SPPL3: variants seen among roughly 807,000 people sequenced by gnomAD.
The protein encoded by SPPL3 is signal peptide peptidase like 3, also known as signal peptide peptidase-like 3.
A neutral mutation model predicts 42.4 loss-of-function variants in SPPL3; 5 were observed. The ratio of observed to expected loss-of-function variants is 0.12; its 90% CI spans 0.06 to 0.25. The LOEUF is 0.25. Ranked by LOEUF, SPPL3 falls within the 10% of genes least tolerant of loss-of-function variation. The pLI, the probability that SPPL3 is intolerant of heterozygous loss-of-function variation, is 1.00. For missense variants in SPPL3, 235 were observed against 489.0 expected (o/e 0.48, Z 4.90); for synonymous variants, 195 against 181.8 (o/e 1.07, Z -0.58).
At chr12:120,822,665 A>G (rs1371409978) in intron 1 of SPPL3, among the ~76,000 whole-genome samples, 1 of 152,122 alleles carries the variant, frequency 6.6e-6, no homozygotes, top group Non-Finnish European at 1.5e-5. Context: ...TGAAGAAGGA[A>G]AGTCTCTTGA....
At chr12:120,795,392 T>A (rs996928727) in intron 2 of SPPL3, among the ~76,000 whole-genome samples, 1 of 152,242 alleles carries the variant, frequency 6.6e-6, no homozygotes, top group African/African-American at 2.4e-5. Context: ...CCTTTAACAT[T>A]TTTTAGTGTA....
chr12:120,786,630 G>A (rs1281390063), intron 3 of SPPL3, among the ~76,000 whole-genome samples: 12 of 152,052 alleles, frequency 7.9e-5, no homozygotes, highest in South Asian at 2.1e-4. Context: ...CCTTTCTGGC[G>A]TATTAGATAG....
chr12:120,828,123 C>T (rs888611962), intron 1 of SPPL3, among the ~76,000 whole-genome samples: 8 of 152,026 alleles, frequency 5.3e-5, no homozygotes, highest in Non-Finnish European at 1.0e-4. Flanking sequence ...TGATATTATA[C>T]GAAATATGCT....
intron 6 of SPPL3, among the ~76,000 whole-genome samples, chr12:120,781,527 C>T (rs1869538332): frequency 7.3e-6 from 1 of 136,566 alleles, no homozygotes; most frequent in African/African-American, 2.8e-5. Flanking sequence ...CATTATATTA[C>T]AGTCTAATCC....
intron 6 of SPPL3, among the ~76,000 whole-genome samples, chr12:120,777,126 A>AACTT (rs1284110260): frequency 1.3e-5 from 2 of 152,202 alleles, no homozygotes; most frequent in South Asian, 2.1e-4. Flanking sequence ...CCAAACAGCC[A>AACTT]ACTTACATGC....
At chr12:120,881,126 G>A (rs761287055) in intron 1 of SPPL3, among the ~76,000 whole-genome samples, 2 of 152,052 alleles carry the variant, frequency 1.3e-5, no homozygotes, top group African/African-American at 4.8e-5. Flanking sequence ...TGGTGGGAAT[G>A]TAAAATTTGG....
intron 3 of SPPL3, among the ~76,000 whole-genome samples, chr12:120,791,097 G>A (rs1216300662): frequency 6.6e-6 from 1 of 152,192 alleles, no homozygotes; most frequent in Non-Finnish European, 1.5e-5. Context: ...TGGAATTACA[G>A]GTGGGAGACA....
At chr12:120,897,299 T>C (rs1212714948) in intron 1 of SPPL3, among the ~76,000 whole-genome samples, 1 of 152,226 alleles carries the variant, frequency 6.6e-6, no homozygotes, top group Non-Finnish European at 1.5e-5. Flanking sequence ...GAAGGCTTTA[T>C]AAAAAACCTT....
intron 1 of SPPL3, among the ~76,000 whole-genome samples, chr12:120,815,600 C>T (rs1870840584): frequency 6.6e-6 from 1 of 152,144 alleles, no homozygotes; most frequent in South Asian, 2.1e-4. Flanking sequence ...TAAATATCTA[C>T]ACTTCCCAAA....
intron 1 of SPPL3, among the ~76,000 whole-genome samples, chr12:120,811,705 A>G (rs756749023): frequency 7.9e-5 from 12 of 152,138 alleles, no homozygotes; most frequent in Admixed American, 2.6e-4. Flanking sequence ...GTTGTTGTTT[A>G]ATTTCCATTC....
intron 1 of SPPL3, among the ~76,000 whole-genome samples, chr12:120,822,026 T>C (rs1566051704): frequency 2.0e-5 from 3 of 152,298 alleles, no homozygotes; most frequent in East Asian, 1.9e-4. Flanking sequence ...ACTCAACTTA[T>C]ATGACAGACC....
intron 6 of SPPL3, among the ~76,000 whole-genome samples, chr12:120,771,729 C>G (rs1869130781): frequency 2.0e-5 from 3 of 152,156 alleles, no homozygotes; most frequent in Admixed American, 6.5e-5. Flanking sequence ...GGACACAGAG[C>G]TGTTGAGAAA....
In SPPL3 at chr12:120,880,457, TAAC is replaced by T. The variant is rs370116407; in HGVS notation, c.23+23385_23+23387del. The stretch of plus-strand genomic sequence containing the variant: ...AAACTTGTGCACCAAAGGCCACTAT[TAAC>T]AAAATCAAAAGACAACCTACATAAT... On this transcript the variant is annotated intron_variant, in intron 1 of 10. Coordinates refer to ENST00000353487, the MANE Select transcript of SPPL3 (RefSeq NM_139015.5). 2.2e-3 allele frequency among the ~76,000 whole-genome samples: 337 copies of T among 152,066 alleles called. 2 individuals are homozygous for T. Among genetic ancestry groups the T allele is most frequent in the African/African-American group, 7.8e-3 (322 of 41,440 alleles).
At chr12:120,853,214 CCAT>C (rs1158718540) in intron 1 of SPPL3, among the ~76,000 whole-genome samples, 1 of 152,038 alleles carries the variant, frequency 6.6e-6, no homozygotes, top group Non-Finnish European at 1.5e-5. Flanking sequence ...ATATTCTTTA[CCAT>C]CATCTTATCT....
At chr12:120,835,541 T>C (rs1414796468) in intron 1 of SPPL3, 1 of 152,258 alleles carries the variant, frequency 6.6e-6, no homozygotes, top group Non-Finnish European at 1.5e-5. Flanking sequence ...TAACATTTTA[T>C]AGTCAGAAAA....
chr12:120,853,704 C>A (rs73214888), intron 1 of SPPL3, among the ~76,000 whole-genome samples: 6,352 of 152,134 alleles, frequency 0.042, 184 homozygotes, highest in South Asian at 0.12. Context: ...TGTACCTACC[C>A]CAGAGTTTCT....
intron 1 of SPPL3, among the ~76,000 whole-genome samples, chr12:120,891,850 ATTTTAC>A (rs1873654622): frequency 6.6e-6 from 1 of 151,840 alleles, no homozygotes; most frequent in Admixed American, 6.6e-5. Context: ...ATAAACTTGT[ATTTTAC>A]TTATACTTTT....
At chr12:120,871,411 G>A (rs1872928621) in intron 1 of SPPL3, among the ~76,000 whole-genome samples, 1 of 152,108 alleles carries the variant, frequency 6.6e-6, no homozygotes, top group African/African-American at 2.4e-5. Context: ...ACGGGGGATT[G>A]ATTCCAGGAT....
chr12:120,845,088 T>G (rs548206009), intron 1 of SPPL3: 46 of 346,936 alleles, frequency 1.3e-4, no homozygotes, highest in South Asian at 1.2e-3. Flanking sequence ...GCAAGAGGAG[T>G]GAGAGGGAGG....
Sources: allele counts gnomAD v4.1 joint callset (sites outside exome capture counted in the v4.1 genomes callset), GRCh38; gene constraint gnomAD v4.1.1; transcripts MANE v1.5; gene names NCBI Gene and HGNC (gene_info 2026-07-23, HGNC 2026-07-21).